CCDC91: variants seen among roughly 807,000 people sequenced by gnomAD.
CCDC91 encodes coiled-coil domain containing 91, also known as coiled-coil domain-containing protein 91.
In CCDC91, 48 loss-of-function variants were observed where a neutral mutation model predicts 63.2. The observed-to-expected ratio is 0.76, with a 90% CI of 0.60 to 0.97. CCDC91 has a LOEUF of 0.97. Among genes scored for constraint, CCDC91 ranks in the 50% least tolerant of loss-of-function variants. CCDC91 has a pLI of 0.00. For synonymous variants in CCDC91, 167 were observed against 165.8 expected (o/e 1.01, Z -0.06); for missense variants, 500 against 494.6 (o/e 1.01, Z -0.10).
intron 3 of CCDC91, among the ~76,000 whole-genome samples, chr12:28,274,690 T>G (rs1948067323): frequency 1.3e-5 from 2 of 152,166 alleles, no homozygotes; most frequent in South Asian, 4.1e-4. Flanking sequence ...TACATTGATT[T>G]TGTATCCTGA....
intron 3 of CCDC91, among the ~76,000 whole-genome samples, chr12:28,280,156 C>A (rs141485741): frequency 1.3e-5 from 2 of 152,012 alleles, no homozygotes; most frequent in African/African-American, 4.8e-5. Context: ...ATTCTTTTCT[C>A]CTGTATTTGA....
At chr12:28,400,580 A>G (rs1404689016) in intron 8 of CCDC91, among the ~76,000 whole-genome samples, 1 of 151,992 alleles carries the variant, frequency 6.6e-6, no homozygotes, top group Non-Finnish European at 1.5e-5. Flanking sequence ...CAGACTGCAA[A>G]TTTTCCCAAC....
At chr12:28,371,600 C>T (rs1944626343) in intron 7 of CCDC91, among the ~76,000 whole-genome samples, 1 of 152,134 alleles carries the variant, frequency 6.6e-6, no homozygotes, top group Admixed American at 6.5e-5. Flanking sequence ...CTTTTTAAAT[C>T]AGTTAAGAAA....
intron 1 of CCDC91, among the ~76,000 whole-genome samples, chr12:28,216,993 GGA>G (rs1237894374): frequency 2.0e-5 from 3 of 151,984 alleles, no homozygotes; most frequent in Admixed American, 6.6e-5. Context: ...ACTAGTATAT[GGA>G]TAAAGGAATT....
At chr12:28,276,441 AC>A (rs1417844816) in intron 3 of CCDC91, among the ~76,000 whole-genome samples, 1 of 152,040 alleles carries the variant, frequency 6.6e-6, no homozygotes, top group Non-Finnish European at 1.5e-5. Context: ...GAGGAAAATA[AC>A]TATTTTCTTT....
chr12:28,400,906 G>C (rs1241915207), intron 8 of CCDC91, among the ~76,000 whole-genome samples: 1 of 152,034 alleles, frequency 6.6e-6, no homozygotes, highest in Non-Finnish European at 1.5e-5. Flanking sequence ...CAGCATTTTG[G>C]TCAAAGCCAT....
rs200288090 is a variant in CCDC91 at position 28,536,043 on chromosome 12, AT to A, written c.1216-13019del. On this transcript the variant is annotated intron_variant, in intron 12 of 12. Transcript: ENST00000536442. ...GACTCCATCTCAAAAAAAAAAAAAA[AT>A]ATATATTGTGGGAAATGGAAAGTTT... is the stretch of plus-strand genomic sequence containing the variant. 9.8e-3 allele frequency among the ~76,000 whole-genome samples: 1,441 copies of A among 147,426 alleles called. 29 individuals are homozygous for A. Among genetic ancestry groups the A allele is most frequent in the South Asian group, 0.077 (359 of 4,654 alleles).
intron 12 of CCDC91, among the ~76,000 whole-genome samples, chr12:28,499,892 T>C (rs1252843793): frequency 1.3e-5 from 2 of 152,182 alleles, no homozygotes; most frequent in Admixed American, 1.3e-4. Context: ...ATGCTATCTT[T>C]AGTTCTAGAT....
intron 8 of CCDC91, among the ~76,000 whole-genome samples, chr12:28,424,513 C>T (rs1948197221): frequency 6.6e-6 from 1 of 152,060 alleles, no homozygotes; most frequent in African/African-American, 2.4e-5. Flanking sequence ...ATAAATGATA[C>T]CTCATTTCTA....
intron 7 of CCDC91, among the ~76,000 whole-genome samples, chr12:28,372,661 A>C (rs1944694141): frequency 6.6e-6 from 1 of 151,804 alleles, no homozygotes; most frequent in Non-Finnish European, 1.5e-5. Flanking sequence ...GGTGCTACTG[A>C]TGTGTGTACA....
chr12:28,339,832 C>T, intron 6 of CCDC91, among the ~76,000 whole-genome samples: 1 of 152,134 alleles, frequency 6.6e-6, no homozygotes, highest in East Asian at 1.9e-4. Flanking sequence ...CTCACTTCAA[C>T]CAGCAGTGGG....
chr12:28,452,908 A>G (rs1464937779), intron 11 of CCDC91, among the ~76,000 whole-genome samples: 1 of 151,908 alleles, frequency 6.6e-6, no homozygotes, highest in Admixed American at 6.6e-5. Context: ...TAAAAGGTCA[A>G]AACAAAATTT....
At chr12:28,306,630 CT>C (rs1938763067) in intron 4 of CCDC91, 111 bp from the exon 5 acceptor site, 2 of 697,164 alleles carry the variant, frequency 2.9e-6, no homozygotes, top group Admixed American at 3.2e-5. Flanking sequence ...ATTTCGGAAC[CT>C]TTTCAACAAC....
chr12:28,384,531 T>A (rs1177869088), intron 7 of CCDC91, among the ~76,000 whole-genome samples: 5 of 152,122 alleles, frequency 3.3e-5, no homozygotes, highest in Non-Finnish European at 7.4e-5. Flanking sequence ...TTTAATAGCA[T>A]TTGAGTGTCT....
rs541935750 is a variant in CCDC91 at position 28,395,861 on chromosome 12, G to A, written c.762+4450G>A. 9.2e-5 allele frequency among the ~76,000 whole-genome samples: 14 copies of A among 152,262 alleles called. No homozygotes were observed. In the South Asian group the frequency reaches 2.9e-3, roughly 32 times the overall value. On this transcript the variant is annotated intron_variant, in intron 8 of 12. Coordinates refer to ENST00000536442, the MANE Select transcript of CCDC91 (RefSeq NM_018318.5). ...GTTGCTGAATACATAGAAGTGCTGT[G>A]CTTTATGACACTGTACAAAGACCAG...
chr12:28,444,153 G>A (rs192429151), intron 8 of CCDC91, among the ~76,000 whole-genome samples: 33 of 152,206 alleles, frequency 2.2e-4, no homozygotes, highest in African/African-American at 6.0e-4. Flanking sequence ...GAATTTATTC[G>A]TTATAGAAGT....
At chr12:28,254,007 A>T (rs1395008049) in intron 1 of CCDC91, among the ~76,000 whole-genome samples, 2 of 152,160 alleles carry the variant, frequency 1.3e-5, no homozygotes, top group African/African-American at 2.4e-5. Context: ...TTCTTTGAGG[A>T]CCTTAACTGA....
At chr12:28,460,559 A>C (rs1950254431) in intron 11 of CCDC91, among the ~76,000 whole-genome samples, 1 of 152,128 alleles carries the variant, frequency 6.6e-6, no homozygotes, top group African/African-American at 2.4e-5. Flanking sequence ...CTTAGAAACG[A>C]GACAAAAAAG....
At chr12:28,356,938 A>G (rs1388763239) in intron 6 of CCDC91, among the ~76,000 whole-genome samples, 2 of 152,188 alleles carry the variant, frequency 1.3e-5, no homozygotes, top group Non-Finnish European at 2.9e-5. Flanking sequence ...TTCATTCCAA[A>G]CACATCAATT....
Sources: gnomAD v4.1 joint callset for allele counts (sites outside exome capture counted in the v4.1 genomes callset) on GRCh38, gnomAD v4.1.1 for gene constraint, MANE v1.5 for transcripts, NCBI Gene and HGNC (gene_info 2026-07-23, HGNC 2026-07-21) for gene names.